CAP2: variants seen among roughly 807,000 people sequenced by gnomAD.
CAP2 encodes cyclase associated actin cytoskeleton regulatory protein 2, also known as adenylyl cyclase-associated protein 2.
CAP2 carries 24 observed loss-of-function variants against 57.7 expected under a neutral mutation model. The ratio of observed to expected loss-of-function variants is 0.42; its 90% CI spans 0.30 to 0.58. The LOEUF is 0.58. Among genes scored for constraint, CAP2 ranks in the 20% least tolerant of loss-of-function variants. CAP2 has a pLI of 0.22. For synonymous variants in CAP2, 194 were observed against 207.2 expected (o/e 0.94, Z 0.55); for missense variants, 501 against 590.3 (o/e 0.85, Z 1.57).
intron 6 of CAP2, among the ~76,000 whole-genome samples, chr6:17,508,991 G>C (rs935738950): frequency 6.6e-6 from 1 of 151,956 alleles, no homozygotes; most frequent in Admixed American, 6.6e-5. Context: ...TCTTGACCTC[G>C]TGATCCGCCC....
At chr6:17,530,659 A>G (rs372914730) in intron 7 of CAP2, among the ~76,000 whole-genome samples, 1 of 152,170 alleles carries the variant, frequency 6.6e-6, no homozygotes, top group Non-Finnish European at 1.5e-5. Context: ...TTTATGTACA[A>G]TCTTCACAAA....
chr6:17,528,002 G>T (rs1762551004), intron 7 of CAP2, among the ~76,000 whole-genome samples: 1 of 152,158 alleles, frequency 6.6e-6, no homozygotes, highest in African/African-American at 2.4e-5. Context: ...CACCACCTAT[G>T]TTTTTAGAAG....
intron 1 of CAP2, among the ~76,000 whole-genome samples, chr6:17,399,377 T>C (rs923875668): frequency 1.2e-4 from 18 of 152,226 alleles, no homozygotes; most frequent in Admixed American, 2.0e-4. Flanking sequence ...TGAGCTTTTA[T>C]ATCCAGGGGA....
At chr6:17,473,731 T>C (rs774139961) in intron 4 of CAP2, among the ~76,000 whole-genome samples, 3 of 152,198 alleles carry the variant, frequency 2.0e-5, no homozygotes, top group Non-Finnish European at 4.4e-5. Context: ...GCAGAGGGCA[T>C]GGTTCGTTAC....
chr6:17,407,345 G>T (rs1248020286), intron 1 of CAP2, among the ~76,000 whole-genome samples: 1 of 152,194 alleles, frequency 6.6e-6, no homozygotes, highest in African/African-American at 2.4e-5. Flanking sequence ...TGGGTGTGGT[G>T]GCTCATGTCT....
At chr6:17,503,923 A>G (rs1410798016) in intron 4 of CAP2, among the ~76,000 whole-genome samples, 2 of 152,178 alleles carry the variant, frequency 1.3e-5, no homozygotes, top group Non-Finnish European at 2.9e-5. Context: ...CTTTTCCACA[A>G]GAGCTGACTA....
At chr6:17,474,185 C>CTTTTTTTTTT (rs544909381) in intron 4 of CAP2, among the ~76,000 whole-genome samples, 88 of 93,198 alleles carry the variant, frequency 9.4e-4, no homozygotes, top group East Asian at 1.5e-3. Context: ...AAAAAACAGT[C>CTTTTTTTTTT]TTTTTTTTTT....
intron 3 of CAP2, among the ~76,000 whole-genome samples, chr6:17,452,904 C>T (rs1760450409): frequency 1.3e-5 from 2 of 152,192 alleles, no homozygotes; most frequent in East Asian, 1.9e-4. Context: ...ATGGAAGTTC[C>T]ATAACATTGC....
At chr6:17,485,766 T>C (rs1293368027) in intron 4 of CAP2, among the ~76,000 whole-genome samples, 3 of 152,220 alleles carry the variant, frequency 2.0e-5, no homozygotes, top group Non-Finnish European at 4.4e-5. Context: ...TTTTCCTTCA[T>C]TGTTAGGAAC....
intron 4 of CAP2, among the ~76,000 whole-genome samples, chr6:17,506,127 G>A (rs1416405638): frequency 6.6e-6 from 1 of 151,936 alleles, no homozygotes; most frequent in African/African-American, 2.4e-5. Flanking sequence ...TTGAACTCCT[G>A]GCCCCAAGCG....
intron 1 of CAP2, among the ~76,000 whole-genome samples, chr6:17,400,938 A>C (rs184033528): frequency 9.5e-4 from 144 of 152,274 alleles, no homozygotes; most frequent in Non-Finnish European, 1.7e-3. Context: ...AAGAACAGTT[A>C]AATTGGACCA....
At position 17,542,342 on chromosome 6, in the gene CAP2, A is replaced by G. The variant is rs143849343; in HGVS notation, c.1003-495A>G. 2.6e-5 allele frequency among the ~76,000 whole-genome samples: 4 copies of G among 152,310 alleles called. No homozygotes were observed. The East Asian group carries it at 7.7e-4, about 29-fold the overall frequency. On this transcript the variant is annotated intron_variant, in intron 9 of 12. Transcript: ENST00000229922. ...CCCGGGCTAAGTGTGTGAGCAGGAC[A>G]TAGACACTTCAAATGGTAATGAAAG...
Position 17,541,004 on chromosome 6 carries a change from A to G in CAP2, c.858A>G (p.Thr286=). 1.2e-6 allele frequency: 2 copies of G among 1,614,126 alleles called. No individual in the cohort carries two copies. Among genetic ancestry groups the G allele is most frequent in the Non-Finnish European group, 1.7e-6 (2 of 1,179,960 alleles). Residue 286 remains threonine, a synonymous_variant, in exon 9 of 13, where the codon ACA becomes ACG. Transcript: ENST00000229922. ...GLRHVTDDQK[T]YKNPSLRAQG... Reference sequence around the variant, plus strand: ...GCCATGTCACAGATGACCAGAAGACATACAAAAATCCCAGCCTGCGGGCTC... The same window carrying G: ...GCCATGTCACAGATGACCAGAAGACGTACAAAAATCCCAGCCTGCGGGCTC...
chr6:17,503,305 C>T (rs551336549), intron 4 of CAP2, among the ~76,000 whole-genome samples: 2 of 152,256 alleles, frequency 1.3e-5, no homozygotes, highest in East Asian at 3.9e-4. Context: ...TTCATCTCCT[C>T]TTCTTATAAA....
intron 1 of CAP2, among the ~76,000 whole-genome samples, chr6:17,397,694 CAAAAAAAAA>C (rs554131865): frequency 6.2e-4 from 44 of 70,612 alleles, no homozygotes; most frequent in Non-Finnish European, 9.6e-4. Context: ...GACTCCATAT[CAAAAAAAAA>C]AAAAAAAAAA....
In CAP2 at chr6:17,557,565, T is replaced by C. The variant is rs888401426; in HGVS notation, c.*1123T>C. ...TATAGTATAATGCTTGCAGGCCCAG[T>C]ACAAGCATATATATTGTGCCTCTTA... On this transcript the variant is annotated 3_prime_UTR_variant, in exon 13 of 13. Coordinates refer to ENST00000229922, the MANE Select transcript of CAP2 (RefSeq NM_006366.3). The C allele has an allele frequency of 6.6e-6, 1 of 152,212 alleles. No individual in the cohort carries two copies. Among genetic ancestry groups the C allele is most frequent in the Admixed American group, 6.5e-5 (1 of 15,280 alleles). The allele number at this position is 152,212 out of a possible 1,614,324, so 9.4% of individuals were successfully genotyped here. A position where few individuals can be genotyped will look rare whatever the true frequency, so the allele number is the denominator to read the frequency against.
chr6:17,485,119 T>C lies in CAP2; in HGVS notation c.300+22046T>C, dbSNP rs530275210. ...AGATAAGTAGAATAGCAAATAGAAA[T>C]AGTGAAATAACTAGATTCCCAGTCC... is the stretch of plus-strand genomic sequence containing the variant. On this transcript the variant is annotated intron_variant, in intron 4 of 12. Transcript: ENST00000229922. 3.9e-5 allele frequency among the ~76,000 whole-genome samples: 6 copies of C among 152,040 alleles called. No individual in the cohort carries two copies. The South Asian group carries it at 1.2e-3, about 32-fold the overall frequency.
At chr6:17,490,949 G>A (rs572110537) in intron 4 of CAP2, among the ~76,000 whole-genome samples, 29 of 152,254 alleles carry the variant, frequency 1.9e-4, no homozygotes, top group African/African-American at 5.8e-4. Flanking sequence ...TCTGTTTCCC[G>A]TGCAAGTAAA....
chr6:17,541,422 A>C (rs888916923), intron 9 of CAP2, among the ~76,000 whole-genome samples: 1 of 152,068 alleles, frequency 6.6e-6, no homozygotes, highest in African/African-American at 2.4e-5. Context: ...TCTACTAAAA[A>C]TACAAAAATT....
Sources: gnomAD v4.1 joint callset for allele counts (sites outside exome capture counted in the v4.1 genomes callset) on GRCh38, gnomAD v4.1.1 for gene constraint, MANE v1.5 for transcripts, NCBI Gene and HGNC (gene_info 2026-07-23, HGNC 2026-07-21) for gene names.